The following ALDH5A1 variants were observed in gnomAD, a reference collection of about 807,000 sequenced individuals.
ALDH5A1 encodes the protein succinate-semialdehyde dehydrogenase, mitochondrial.
Under a neutral mutation model 54.7 loss-of-function variants are expected in ALDH5A1, and 33 were observed. The observed-to-expected ratio is 0.60, with a 90% confidence interval of 0.46 to 0.81. ALDH5A1 has a LOEUF of 0.81. ALDH5A1 is among the 30% of genes least tolerant of loss of function. The probability of loss-of-function intolerance (pLI) is 0.00; values close to 1 mark genes in which losing one functional copy is unlikely to be tolerated. For missense variants in ALDH5A1, 657 were observed against 711.0 expected (o/e 0.92, Z 0.86); for synonymous variants, 294 against 292.7 (o/e 1.00, Z -0.05).
chr6:24,510,473 T>C (rs768869230), intron 4 of ALDH5A1, among the ~76,000 whole-genome samples: 37 of 152,194 alleles, frequency 2.4e-4, no homozygotes, highest in Non-Finnish European at 4.9e-4. Context: ...ATTTTAGAAA[T>C]TTGGGAGCTC....
chr6:24,499,015 T>C (rs149193431), intron 1 of ALDH5A1, among the ~76,000 whole-genome samples: 2,264 of 150,232 alleles, frequency 0.015, 32 homozygotes, highest in South Asian at 0.036. Context: ...CAAGGAGAAT[T>C]GCTTGAACCT....
At chr6:24,521,218 C>T (rs1318718315) in intron 6 of ALDH5A1, among the ~76,000 whole-genome samples, 1 of 152,242 alleles carries the variant, frequency 6.6e-6, no homozygotes, top group African/African-American at 2.4e-5. Flanking sequence ...GAGGCCTGAG[C>T]TCATGTCTTC....
rs1314127665 is a variant in ALDH5A1 at position 24,503,317 on chromosome 6, G to T, written c.493G>T (p.Glu165Ter). 6.2e-7 allele frequency: 1 copy of T among 1,614,086 alleles called. No individual in the cohort carries two copies. The highest frequency in any genetic ancestry group is 1.7e-5 in the Admixed American group (1 of 60,024). ...AATTCTCTATTCCGCCTTTTTCCTAGAGTGGTTCTCTGAGGAAGCCCGCCG... is the reference window on the plus strand; with the variant it reads ...AATTCTCTATTCCGCCTTTTTCCTATAGTGGTTCTCTGAGGAAGCCCGCCG... ...GEILYSAFFLEWFSEEARRVY... is the reference protein window; with the variant it reads ...GEILYSAFFL Residue 165 changes from glutamate (E) to a stop codon, truncating the protein, a stop_gained, in exon 3 of 10, where the codon GAG (glutamate) becomes TAG (stop). Coordinates refer to ENST00000357578, the MANE Select transcript of ALDH5A1 (RefSeq NM_001080.3). LOFTEE classifies it high-confidence loss of function.
At chr6:24,501,941 A>G (rs111417796) in intron 1 of ALDH5A1, among the ~76,000 whole-genome samples, 33 of 101,506 alleles carry the variant, frequency 3.3e-4, no homozygotes, top group East Asian at 7.3e-4. Context: ...GTGTGTGTGT[A>G]TATATATATG....
At chr6:24,533,145 G>T (rs904036249) in intron 9 of ALDH5A1, among the ~76,000 whole-genome samples, 4 of 151,692 alleles carry the variant, frequency 2.6e-5, no homozygotes, top group African/African-American at 7.3e-5. Flanking sequence ...AACTACTTGT[G>T]GGGGAGAGGG....
intron 6 of ALDH5A1, among the ~76,000 whole-genome samples, 174 bp downstream of exon 6, chr6:24,520,718 C>T (rs1341361892): frequency 6.6e-6 from 1 of 151,928 alleles, no homozygotes; most frequent in East Asian, 1.9e-4. Context: ...TTTTGGGTTC[C>T]TTCCATTATT....
At chr6:24,513,447 A>AAAG (rs1412217847) in intron 4 of ALDH5A1, among the ~76,000 whole-genome samples, 1 of 152,082 alleles carries the variant, frequency 6.6e-6, no homozygotes, top group Non-Finnish European at 1.5e-5. Context: ...TAGTTTTCTG[A>AAAG]ACTTTTGGAA....
At chr6:24,502,873 G>A (rs1207611575) in intron 2 of ALDH5A1, among the ~76,000 whole-genome samples, 4 of 150,540 alleles carry the variant, frequency 2.7e-5, no homozygotes, top group Non-Finnish European at 5.9e-5. Flanking sequence ...TCACCATTCT[G>A]ATTTTTTTCC....
At chr6:24,522,491 G>GTGTGTGTGTGTGTA in intron 6 of ALDH5A1, 1 of 370,044 alleles carries the variant, frequency 2.7e-6, no homozygotes, top group South Asian at 2.5e-5. Flanking sequence ...GTGTGTGTGT[G>GTGTGTGTGTGTGTA]TGTGTGTGTG....
In ALDH5A1 at chr6:24,494,984, C is replaced by A; in HGVS notation, c.-13C>A. ...CCGCTTGCCTGTTTCCTGTCGCCGT[C>A]GTTGCCCGGGCCATGGCGACCTGCA... On this transcript the variant is annotated 5_prime_UTR_variant, in exon 1 of 10. Transcript: ENST00000357578. 1 of 1,312,592 alleles carries A rather than the reference C, an allele frequency of 7.6e-7. No homozygotes were observed. The highest frequency in any genetic ancestry group is 9.7e-7 in the Non-Finnish European group (1 of 1,031,848). 81.3% of individuals were successfully genotyped at this position (1,312,592 alleles called of 1,614,324 possible).
chr6:24,524,187 G>T (rs1581821011), intron 7 of ALDH5A1, among the ~76,000 whole-genome samples: 1 of 152,178 alleles, frequency 6.6e-6, no homozygotes, highest in East Asian at 1.9e-4. Flanking sequence ...GGTTTCACAT[G>T]TTGGCCAGAC....
At chr6:24,525,693 ACAAAACAGAAGT>A (rs67315927) in intron 7 of ALDH5A1, among the ~76,000 whole-genome samples, 45,065 of 151,718 alleles carry the variant, frequency 0.3, 8,015 homozygotes, top group African/African-American at 0.5. Flanking sequence ...AGCCTGAGCA[ACAAAACAGAAGT>A]CAAAACAGAA....
chr6:24,531,047 T>C (rs1411816880), intron 8 of ALDH5A1, among the ~76,000 whole-genome samples: 2 of 152,254 alleles, frequency 1.3e-5, no homozygotes, highest in African/African-American at 4.8e-5. Context: ...TGAGGTTTTG[T>C]TGCTGTTGTT....
At chr6:24,505,790 G>A (rs1759326897) in intron 4 of ALDH5A1, among the ~76,000 whole-genome samples, 1 of 151,844 alleles carries the variant, frequency 6.6e-6, no homozygotes, top group South Asian at 2.1e-4. Flanking sequence ...CCAACATGCT[G>A]AAACCCTGTC....
Position 24,509,528 on chromosome 6 carries a change from G to C in ALDH5A1, c.726+4543G>C, listed in dbSNP as rs9467207. Among the ~76,000 whole-genome samples the C allele has an allele frequency of 0.016, 2,393 of 152,056 alleles. 59 individuals are homozygous for C. The highest frequency in any genetic ancestry group is 0.053 in the African/African-American group (2,196 of 41,476). ...CATTTCAGTCTGTTCGGGATATCTC[G>C]TTCTTCCTGATTTAAGCTAGGAGGG... is the stretch of plus-strand genomic sequence containing the variant. On this transcript the variant is annotated intron_variant, in intron 4 of 9. Coordinates refer to ENST00000357578, the MANE Select transcript of ALDH5A1 (RefSeq NM_001080.3). This position sits in a 1 kb window ranked among gnomAD's most constrained non-coding sequence, Gnocchi z 4.7.
intron 4 of ALDH5A1, 123 bp downstream of exon 4, chr6:24,505,108 G>A: frequency 9.9e-7 from 1 of 1,009,194 alleles, no homozygotes; most frequent in South Asian, 1.3e-5. Flanking sequence ...GCATGGTGTT[G>A]TGTATTAATC....
At chr6:24,514,839 C>T (rs1759531363) in intron 4 of ALDH5A1, among the ~76,000 whole-genome samples, 1 of 152,056 alleles carries the variant, frequency 6.6e-6, no homozygotes, top group Non-Finnish European at 1.5e-5. Context: ...GTGGCGCAAC[C>T]TTGGCTCACT....
chr6:24,501,245 C>A (rs1443874284), intron 1 of ALDH5A1, among the ~76,000 whole-genome samples: 3 of 152,128 alleles, frequency 2.0e-5, no homozygotes, highest in Admixed American at 1.3e-4. Flanking sequence ...GAGCTATACC[C>A]TTGATGTTTA....
Position 24,494,969 on chromosome 6 carries a change from G to A in ALDH5A1, c.-28G>A. ...CCCGTGCGCGCGCGCCCGCTTGCCT[G>A]TTTCCTGTCGCCGTCGTTGCCCGGG... On this transcript the variant is annotated 5_prime_UTR_variant, in exon 1 of 10. Coordinates refer to ENST00000357578, the MANE Select transcript of ALDH5A1 (RefSeq NM_001080.3). The A allele has an allele frequency of 3.8e-6, 5 of 1,301,532 alleles. No homozygotes were observed. Among genetic ancestry groups the A allele is most frequent in the Non-Finnish European group, 3.9e-6 (4 of 1,026,196 alleles). 80.6% of individuals were successfully genotyped at this position (1,301,532 alleles called of 1,614,324 possible).
Sources: gnomAD v4.1 joint callset for allele counts (sites outside exome capture counted in the v4.1 genomes callset) on GRCh38, gnomAD v4.1.1 for gene constraint, Gnocchi (gnomAD v3.1) non-coding constraint, MANE v1.5 for transcripts, NCBI Gene and HGNC (gene_info 2026-07-23, HGNC 2026-07-21) for gene names.